Variants in DNAJC24 observed in about 807,000 individuals in gnomAD.
The protein encoded by DNAJC24 is DnaJ heat shock protein family (Hsp40) member C24.
DNAJC24 carries 17 observed loss-of-function variants against 18.0 expected under a neutral mutation model. That is an observed-to-expected ratio of 0.94 (90% CI 0.65 to 1.42). The LOEUF (loss-of-function observed/expected upper bound fraction) is 1.42, where lower values mean the gene tolerates loss of function less well. Among genes scored for constraint, DNAJC24 ranks in the 40% most tolerant of loss-of-function variants. The probability of loss-of-function intolerance (pLI) is 0.00; values close to 1 mark genes in which losing one functional copy is unlikely to be tolerated. For synonymous variants in DNAJC24, 55 were observed against 57.7 expected (o/e 0.95, Z 0.21); for missense variants, 158 against 175.6 (o/e 0.90, Z 0.57).
intron 2 of DNAJC24, among the ~76,000 whole-genome samples, chr11:31,392,963 C>T (rs1952512379): frequency 6.6e-6 from 1 of 152,140 alleles, no homozygotes; most frequent in South Asian, 2.1e-4. Flanking sequence ...TTACTTCTTT[C>T]ACAATGTGAG....
chr11:31,392,643 T>TGG (rs1952508266), intron 2 of DNAJC24, among the ~76,000 whole-genome samples: 1 of 151,378 alleles, frequency 6.6e-6, no homozygotes, highest in South Asian at 2.1e-4. Context: ...ATCATGAGGG[T>TGG]GGGGCCCTTG....
intron 2 of DNAJC24, among the ~76,000 whole-genome samples, chr11:31,371,209 A>AC (rs1952242121): frequency 6.6e-6 from 1 of 152,242 alleles, no homozygotes; most frequent in South Asian, 2.1e-4. Flanking sequence ...AACAGTAGCT[A>AC]CTAGCCACAT....
intron 2 of DNAJC24, among the ~76,000 whole-genome samples, chr11:31,380,797 A>T (rs540928906): frequency 6.6e-6 from 1 of 152,142 alleles, no homozygotes; most frequent in Non-Finnish European, 1.5e-5. Context: ...AAGTTCCTTT[A>T]TGCTTCTCAT....
intron 2 of DNAJC24, among the ~76,000 whole-genome samples, chr11:31,371,732 T>C (rs1952260294): frequency 6.6e-6 from 1 of 151,962 alleles, no homozygotes; most frequent in Admixed American, 6.6e-5. Context: ...TAACATTGCA[T>C]ATGTAGCCGG....
intron 2 of DNAJC24, chr11:31,396,411 A>G (rs1236654780): frequency 8.1e-6 from 3 of 368,882 alleles, no homozygotes; most frequent in East Asian, 7.3e-5. Context: ...TAGCCCCTCA[A>G]TTATATGCAA....
chr11:31,414,565 T>C (rs1015472863), intron 2 of DNAJC24, among the ~76,000 whole-genome samples: 4 of 152,166 alleles, frequency 2.6e-5, no homozygotes, highest in Non-Finnish European at 4.4e-5. Flanking sequence ...ATGAACAAAT[T>C]ATCCAGAAAA....
intron 2 of DNAJC24, among the ~76,000 whole-genome samples, chr11:31,382,023 A>G (rs1464724098): frequency 1.3e-5 from 2 of 152,208 alleles, no homozygotes; most frequent in Non-Finnish European, 2.9e-5. Flanking sequence ...GGGTGTCTTT[A>G]GTAATTCATT....
Sources: gnomAD v4.1 joint callset for allele counts (sites outside exome capture counted in the v4.1 genomes callset) on GRCh38, gnomAD v4.1.1 for gene constraint, MANE v1.5 for transcripts, NCBI Gene and HGNC (gene_info 2026-07-23, HGNC 2026-07-21) for gene names.